STPG2: variants seen among roughly 807,000 people sequenced by gnomAD.
STPG2 encodes the protein sperm tail PG-rich repeat containing 2.
A neutral mutation model predicts 54.2 loss-of-function variants in STPG2; 56 were observed. That is an observed-to-expected ratio of 1.03 (90% CI 0.83 to 1.29). The LOEUF is 1.29. Ranked by LOEUF, STPG2 falls within the 50% of genes most tolerant of loss-of-function variation. The probability of loss-of-function intolerance (pLI) is 0.00; values close to 1 mark genes in which losing one functional copy is unlikely to be tolerated. For missense variants in STPG2, 596 were observed against 544.9 expected (o/e 1.09, Z -0.93); for synonymous variants, 200 against 181.8 (o/e 1.10, Z -0.81).
At chr4:97,963,193 A>G (rs767246504) in intron 7 of STPG2, among the ~76,000 whole-genome samples, 1 of 151,978 alleles carries the variant, frequency 6.6e-6, no homozygotes, top group Non-Finnish European at 1.5e-5. Context: ...ACAAAAAAAC[A>G]ATAATTATTT....
At chr4:97,565,063 A>T (rs1020845173) in intron 10 of STPG2, among the ~76,000 whole-genome samples, 2 of 152,166 alleles carry the variant, frequency 1.3e-5, no homozygotes, top group African/African-American at 4.8e-5. Flanking sequence ...CTTCACTTTC[A>T]GGTACACCAA....
chr4:98,119,658 ATAGG>A (rs984653309), intron 3 of STPG2, among the ~76,000 whole-genome samples: 2 of 152,002 alleles, frequency 1.3e-5, no homozygotes, highest in Non-Finnish European at 2.9e-5. Context: ...GGTTTGTTAC[ATAGG>A]TAAACATGTG....
chr4:97,513,976 A>G (rs1731025225), intron 4 of STPG2, among the ~76,000 whole-genome samples: 1 of 152,122 alleles, frequency 6.6e-6, no homozygotes, highest in Non-Finnish European at 1.5e-5. Flanking sequence ...CAAAATATAT[A>G]AAGTCAGAAA....
chr4:97,554,460 G>A (rs1732034316), downstream of STPG2, among the ~76,000 whole-genome samples: 1 of 152,170 alleles, frequency 6.6e-6, no homozygotes, highest in African/African-American at 2.4e-5. Flanking sequence ...TGGCAGAAGT[G>A]TGTCCTGAAC....
intron 10 of STPG2, among the ~76,000 whole-genome samples, chr4:97,592,225 T>C (rs912712973): frequency 3.9e-5 from 6 of 152,060 alleles, no homozygotes; most frequent in African/African-American, 1.4e-4. Flanking sequence ...TCATTTTTTA[T>C]TTATTATGTA....
At chr4:98,046,825 C>G (rs1405046439) in intron 5 of STPG2, among the ~76,000 whole-genome samples, 1 of 152,206 alleles carries the variant, frequency 6.6e-6, no homozygotes, top group Non-Finnish European at 1.5e-5. Context: ...TGGCTTCCAT[C>G]TGCTCTCAGA....
At chr4:97,650,669 T>C (rs1013074808) in intron 10 of STPG2, among the ~76,000 whole-genome samples, 1 of 152,112 alleles carries the variant, frequency 6.6e-6, no homozygotes, top group African/African-American at 2.4e-5. Context: ...AGATGACACA[T>C]GTTTCCTATT....
intron 10 of STPG2, among the ~76,000 whole-genome samples, chr4:97,593,955 C>G (rs1733214746): frequency 6.6e-6 from 1 of 152,126 alleles, no homozygotes; most frequent in Non-Finnish European, 1.5e-5. Flanking sequence ...AACCCACAAT[C>G]AAAACTCCCA....
intron 9 of STPG2, among the ~76,000 whole-genome samples, chr4:97,743,411 T>C (rs1725328414): frequency 6.6e-6 from 1 of 151,750 alleles, no homozygotes; most frequent in Non-Finnish European, 1.5e-5. Context: ...CATAGACTTA[T>C]TGTTATTTAC....
intron 9 of STPG2, among the ~76,000 whole-genome samples, chr4:97,789,407 A>G (rs1001270961): frequency 1.3e-5 from 2 of 152,112 alleles, no homozygotes; most frequent in African/African-American, 2.4e-5. Flanking sequence ...AACATTTTCT[A>G]AAGCCAAACA....
chr4:97,674,312 G>A (rs1722778619), intron 10 of STPG2, among the ~76,000 whole-genome samples: 1 of 152,042 alleles, frequency 6.6e-6, no homozygotes, highest in Admixed American at 6.6e-5. Flanking sequence ...AACAAAAGCA[G>A]AAAATTTTTC....
intron 10 of STPG2, among the ~76,000 whole-genome samples, chr4:97,685,045 T>C (rs1038679659): frequency 1.3e-5 from 2 of 152,028 alleles, no homozygotes; most frequent in African/African-American, 2.4e-5. Flanking sequence ...CCTATCAGAA[T>C]GGCCAAAATC....
chr4:97,599,365 C>G (rs1733393287), intron 10 of STPG2, among the ~76,000 whole-genome samples: 1 of 152,164 alleles, frequency 6.6e-6, no homozygotes, highest in Non-Finnish European at 1.5e-5. Flanking sequence ...TAGAACAGAA[C>G]TACCATTTGA....
chr4:98,072,400 G>T (rs1188570483), intron 5 of STPG2, among the ~76,000 whole-genome samples: 3 of 152,006 alleles, frequency 2.0e-5, no homozygotes, highest in Non-Finnish European at 4.4e-5. Flanking sequence ...ACACACTGGG[G>T]CCTGTGGGGT....
intron 4 of STPG2, among the ~76,000 whole-genome samples, chr4:97,442,123 T>C (rs1729101491): frequency 1.3e-5 from 2 of 151,994 alleles, no homozygotes; most frequent in African/African-American, 4.8e-5. Flanking sequence ...CCATTATGAC[T>C]AGGAAAAGTT....
At chr4:97,825,142 C>T (rs1433654127) in intron 9 of STPG2, among the ~76,000 whole-genome samples, 1 of 152,040 alleles carries the variant, frequency 6.6e-6, no homozygotes, top group African/African-American at 2.4e-5. Flanking sequence ...GCACCACAGA[C>T]CCCATTTTAG....
At chr4:98,050,857 T>C (rs1482118567) in intron 5 of STPG2, among the ~76,000 whole-genome samples, 1 of 151,002 alleles carries the variant, frequency 6.6e-6, no homozygotes, top group African/African-American at 2.4e-5. Context: ...TACAAAAAAT[T>C]AGCCGGGCGT....
chr4:97,871,306 G>A (rs1009990545), intron 8 of STPG2, among the ~76,000 whole-genome samples: 1 of 150,684 alleles, frequency 6.6e-6, no homozygotes, highest in Non-Finnish European at 1.5e-5. Flanking sequence ...GAATTTTGAA[G>A]GTAGAGAATT....
chr4:97,677,826 C>T (rs1722896905), intron 10 of STPG2, among the ~76,000 whole-genome samples: 2 of 152,098 alleles, frequency 1.3e-5, no homozygotes, highest in African/African-American at 2.4e-5. Flanking sequence ...AAGCTCCCTA[C>T]CTCTTGTTAC....
Sources: gnomAD v4.1 joint callset for allele counts (sites outside exome capture counted in the v4.1 genomes callset) on GRCh38, gnomAD v4.1.1 for gene constraint, MANE v1.5 for transcripts, NCBI Gene and HGNC (gene_info 2026-07-23, HGNC 2026-07-21) for gene names.